Variants in TNS3 observed in about 807,000 individuals in gnomAD.
The protein encoded by TNS3 is tensin-3.
A neutral mutation model predicts 140.9 loss-of-function variants in TNS3; 45 were observed. That is an observed-to-expected ratio of 0.32 (90% CI 0.25 to 0.41). The LOEUF (loss-of-function observed/expected upper bound fraction) is 0.41. Ranked by LOEUF, TNS3 falls within the 10% of genes least tolerant of loss-of-function variation. The pLI is 1.00. For missense variants in TNS3, 1,716 were observed against 1,906.7 expected, an observed-to-expected ratio of 0.90 and a Z score of 1.86; for synonymous variants, 815 against 788.4, an observed-to-expected ratio of 1.03 and a Z score of -0.56.
At chr7:47,346,737 C>A (rs966600056) in intron 17 of TNS3, among the ~76,000 whole-genome samples, 2 of 152,202 alleles carry the variant, frequency 1.3e-5, no homozygotes, top group African/African-American at 4.8e-5. Context: ...CATGCCACCC[C>A]TGGTGTCCTG....
At chr7:47,341,261 A>C (rs1473302464) in intron 20 of TNS3, among the ~76,000 whole-genome samples, 4 of 152,316 alleles carry the variant, frequency 2.6e-5, no homozygotes, top group African/African-American at 9.6e-5. Context: ...TCACAAAATG[A>C]ATTAGGACAT....
rs148713322 is a variant in TNS3 at position 47,563,772 on chromosome 7, G to A, written c.-265+18279C>T. On this transcript the variant is annotated intron_variant, in intron 1 of 30. Transcript: ENST00000311160. ...AATCTTCCCACTGCCCCAGACCACA[G>A]TCACAGTCACAATCCCAATTCCTTG... is the stretch of plus-strand genomic sequence containing the variant. 7.4e-3 allele frequency among the ~76,000 whole-genome samples: 1,131 copies of A among 152,322 alleles called. 12 individuals carry two copies. Among genetic ancestry groups the A allele is most frequent in the African/African-American group, 0.025 (1,042 of 41,576 alleles).
At chr7:47,550,630 T>C (rs1003027654) in intron 1 of TNS3, among the ~76,000 whole-genome samples, 6 of 152,132 alleles carry the variant, frequency 3.9e-5, no homozygotes, top group African/African-American at 1.4e-4. Flanking sequence ...TGGTCAATTC[T>C]CCTTCAAGGA....
intron 16 of TNS3, among the ~76,000 whole-genome samples, chr7:47,372,279 C>T (rs764262105): frequency 1.1e-4 from 17 of 152,182 alleles, no homozygotes; most frequent in Non-Finnish European, 2.2e-4. Context: ...CCATTACGGT[C>T]ACAGATTTCA....
intron 8 of TNS3, among the ~76,000 whole-genome samples, chr7:47,435,042 A>C (rs1169333719): frequency 1.3e-5 from 2 of 152,246 alleles, no homozygotes; most frequent in African/African-American, 2.4e-5. Context: ...CAACAGTTTC[A>C]AATGTCCAGC....
chr7:47,281,604 C>T (rs1785147907), intron 28 of TNS3, among the ~76,000 whole-genome samples: 2 of 152,176 alleles, frequency 1.3e-5, no homozygotes, highest in African/African-American at 4.8e-5. Context: ...TGAGAAGATC[C>T]CCCTTTTGTC....
intron 3 of TNS3, among the ~76,000 whole-genome samples, chr7:47,496,800 G>C (rs189652489): frequency 2.2e-4 from 34 of 152,336 alleles, no homozygotes; most frequent in African/African-American, 7.7e-4. Context: ...TCTGCCCTAG[G>C]CCCAGATACC....
At chr7:47,423,106 G>A (rs1039024543) in intron 10 of TNS3, among the ~76,000 whole-genome samples, 4 of 152,128 alleles carry the variant, frequency 2.6e-5, no homozygotes, top group Non-Finnish European at 4.4e-5. Flanking sequence ...CTTTCTGCCC[G>A]TCTACCCCCA....
At chr7:47,507,060 G>T in intron 2 of TNS3, 116 bp from the exon 3 acceptor site, 1 of 828,908 alleles carries the variant, frequency 1.2e-6, no homozygotes, top group Non-Finnish European at 1.7e-6. Flanking sequence ...CCCATAGGTG[G>T]CCTCTCTCTG....
rs1215503242 is a variant in TNS3, at chr7:47,439,513, T to C, written c.124A>G (p.Lys42Glu). Residue 42 changes from lysine (K) to glutamate (E), a missense_variant, in exon 6 of 31, where the codon AAG becomes GAG. Coordinates refer to ENST00000311160, the MANE Select transcript of TNS3 (RefSeq NM_022748.12). ...AGGTAGTTGTCCCCGTGCTTGGACTTGAGCATGCGCGTGACCTCCTGTAGG... is the reference window on the plus strand; with the variant it reads ...AGGTAGTTGTCCCCGTGCTTGGACTCGAGCATGCGCGTGACCTCCTGTAGG... Reference protein sequence around the residue: ...HNLQEVTRMLKSKHGDNYLVL... With the variant: ...HNLQEVTRMLESKHGDNYLVL... 1 of 1,613,906 alleles carries C rather than the reference T, an allele frequency of 6.2e-7. No individual in the cohort carries two copies. Among genetic ancestry groups the C allele is most frequent in the Non-Finnish European group, 8.5e-7 (1 of 1,179,910 alleles).
Position 47,435,323 on chromosome 7 carries a change from G to A in TNS3, c.283C>T (p.Leu95=). 6.2e-7 allele frequency: 1 copy of A among 1,614,140 alleles called. No individual in the cohort carries two copies. The highest frequency in any genetic ancestry group is 1.1e-5 in the South Asian group (1 of 91,080). Residue 95 remains leucine (L), a synonymous_variant, in exon 8 of 31, where the codon CTG becomes TTG. Transcript: ENST00000311160. The stretch of plus-strand genomic sequence containing the variant: ...ACCACATGCTGGAGGTTGCTGTTCA[G>A]CCAGGACTCCTGCGCCTTGCATATG... ...CTICKAQESW[L]NSNLQHVVVI...
At chr7:47,354,034 A>ACACACACAC (rs1562627682) in intron 17 of TNS3, among the ~76,000 whole-genome samples, 36 of 126,736 alleles carry the variant, frequency 2.8e-4, no homozygotes, top group African/African-American at 1.0e-3. Flanking sequence ...CACACACACA[A>ACACACACAC]ATTCCAAGGT....
intron 3 of TNS3, among the ~76,000 whole-genome samples, chr7:47,502,731 G>A (rs1798272697): frequency 6.6e-6 from 1 of 152,238 alleles, no homozygotes; most frequent in African/African-American, 2.4e-5. Context: ...GTGCCCAGAC[G>A]TAGCACCGGG....
chr7:47,361,984 CTT>C (rs1790362789), intron 17 of TNS3, among the ~76,000 whole-genome samples: 1 of 152,178 alleles, frequency 6.6e-6, no homozygotes, highest in East Asian at 1.9e-4. Flanking sequence ...TGAGTCATTT[CTT>C]TTGTTACTGG....
intron 3 of TNS3, among the ~76,000 whole-genome samples, chr7:47,494,734 C>T (rs1797936813): frequency 6.6e-6 from 1 of 152,176 alleles, no homozygotes; most frequent in Non-Finnish European, 1.5e-5. Flanking sequence ...ATGAACTCCG[C>T]CAGCTGCTCC....
chr7:47,578,637 G>A (rs542695504), intron 1 of TNS3, among the ~76,000 whole-genome samples: 1 of 152,176 alleles, frequency 6.6e-6, no homozygotes, highest in Admixed American at 6.5e-5. Flanking sequence ...AGGAGATGCC[G>A]CCATGCAGAC....
In TNS3 at chr7:47,563,213, G is replaced by A. The variant is rs528220655; in HGVS notation, c.-265+18838C>T. 1.8e-4 allele frequency among the ~76,000 whole-genome samples: 28 copies of A among 152,304 alleles called. 1 individual carries two copies. Among genetic ancestry groups the A allele is most frequent in the African/African-American group, 6.5e-4 (27 of 41,566 alleles). The stretch of plus-strand genomic sequence containing the variant: ...AGAAACACAGAACCCCTCCTGCCTG[G>A]AGCCCCCCTTCAAGGACTCTCAAAC... On this transcript the variant is annotated intron_variant, in intron 1 of 30. Transcript: ENST00000311160.
rs1784937826 is a variant in TNS3, at chr7:47,277,876, A to G, written c.*200T>C. ...GCATGTGGCTACAGAGATGTGTCAG[A>G]TAAGTCACTTTCAGGAAAGGCCAAT... is the stretch of plus-strand genomic sequence containing the variant. On this transcript the variant is annotated 3_prime_UTR_variant, in exon 31 of 31. Coordinates refer to ENST00000311160, the MANE Select transcript of TNS3 (RefSeq NM_022748.12). 2 of 702,290 alleles carry G rather than the reference A, an allele frequency of 2.8e-6. No individual in the cohort carries two copies. Among genetic ancestry groups the G allele is most frequent in the East Asian group, 5.5e-5 (2 of 36,452 alleles). 43.5% of individuals were successfully genotyped at this position (702,290 alleles called of 1,614,324 possible).
intron 18 of TNS3, 38 bp downstream of exon 18, chr7:47,346,149 A>G: frequency 6.2e-7 from 1 of 1,607,004 alleles, no homozygotes; most frequent in Non-Finnish European, 8.5e-7. Flanking sequence ...AAGGGAGTGG[A>G]ATGGGCCCAG....
Sources: allele counts gnomAD v4.1 joint callset (sites outside exome capture counted in the v4.1 genomes callset), GRCh38; gene constraint gnomAD v4.1.1; transcripts MANE v1.5; gene names NCBI Gene and HGNC (gene_info 2026-07-23, HGNC 2026-07-21).